Variants in SMG6 observed in about 807,000 individuals in gnomAD.
SMG6 encodes the protein SMG6 nonsense mediated mRNA decay factor.
Under a neutral mutation model 142.2 loss-of-function variants are expected in SMG6, and 66 were observed. The observed-to-expected ratio is 0.46, with a 90% confidence interval of 0.38 to 0.57. The LOEUF is 0.57. Ranked by LOEUF, SMG6 falls within the 20% of genes least tolerant of loss-of-function variation. The probability of loss-of-function intolerance (pLI) is 0.00; values close to 1 mark genes in which losing one functional copy is unlikely to be tolerated. For missense variants in SMG6, 1,793 were observed against 1,832.0 expected, an observed-to-expected ratio of 0.98 and a Z score of 0.39; for synonymous variants, 779 against 702.4, an observed-to-expected ratio of 1.11 and a Z score of -1.72.
At chr17:2,147,169 G>A (rs1207692469) in intron 13 of SMG6, among the ~76,000 whole-genome samples, 1 of 152,168 alleles carries the variant, frequency 6.6e-6, no homozygotes, top group Non-Finnish European at 1.5e-5. Context: ...GAGGTGGGTG[G>A]ATCATTTGAG....
chr17:2,220,342 C>G (rs1238086550), intron 10 of SMG6, among the ~76,000 whole-genome samples: 1 of 152,100 alleles, frequency 6.6e-6, no homozygotes, highest in Non-Finnish European at 1.5e-5. Context: ...TTAACATATT[C>G]ATGTGAAGCC....
chr17:2,291,208 G>A (rs1229364165), intron 6 of SMG6, among the ~76,000 whole-genome samples: 2 of 152,130 alleles, frequency 1.3e-5, no homozygotes, highest in African/African-American at 2.4e-5. Context: ...GCGGGCGCCT[G>A]TAGTCCCAGC....
chr17:2,072,182 G>A (rs1328911097), intron 15 of SMG6, among the ~76,000 whole-genome samples: 1 of 152,142 alleles, frequency 6.6e-6, no homozygotes, highest in African/African-American at 2.4e-5. Context: ...CCTCTGGTGG[G>A]GGTGAGGGGG....
chr17:2,081,271 C>T (rs1217454696), intron 15 of SMG6, among the ~76,000 whole-genome samples: 2 of 152,154 alleles, frequency 1.3e-5, no homozygotes, highest in Admixed American at 6.6e-5. Flanking sequence ...GGGGTGAAGG[C>T]ACAGGCCCGT....
intron 6 of SMG6, among the ~76,000 whole-genome samples, 165 bp downstream of exon 6, chr17:2,292,387 T>C (rs2075057299): frequency 6.6e-6 from 1 of 152,218 alleles, no homozygotes; most frequent in Admixed American, 6.5e-5. Context: ...GAGGAATCCC[T>C]GACAACTTAA....
intron 6 of SMG6, among the ~76,000 whole-genome samples, chr17:2,288,451 C>A (rs1459728281): frequency 2.6e-5 from 4 of 151,268 alleles, no homozygotes; most frequent in African/African-American, 9.7e-5. Context: ...GAAACCAAAT[C>A]TCTACTAAAA....
chr17:2,076,640 C>T (rs555727239), intron 15 of SMG6, among the ~76,000 whole-genome samples: 1 of 152,094 alleles, frequency 6.6e-6, no homozygotes, highest in South Asian at 2.1e-4. Flanking sequence ...GTCTGGCTTA[C>T]GTTCAAGGCT....
At chr17:2,167,131 CAA>C (rs57898779) in intron 13 of SMG6, among the ~76,000 whole-genome samples, 106 of 35,692 alleles carry the variant, frequency 3.0e-3, no homozygotes, top group Admixed American at 4.1e-3. Flanking sequence ...GACTCCATCT[CAA>C]AAAAAAAAAA....
At chr17:2,137,657 G>GA (rs1675284222) in intron 13 of SMG6, among the ~76,000 whole-genome samples, 1 of 152,072 alleles carries the variant, frequency 6.6e-6, no homozygotes, top group Admixed American at 6.6e-5. Context: ...AAGACACCTG[G>GA]AGAATGACCC....
In SMG6 at chr17:2,236,698, GTC is replaced by G. The variant is rs199975798; in HGVS notation, c.2724-63_2724-62del. ...TCTCTTTCAGTCTCTCTCTCACTCT[GTC>G]TCACACACACACACACACACACACA... On this transcript the variant is annotated intron_variant, in intron 9 of 18. Coordinates refer to ENST00000263073, the MANE Select transcript of SMG6 (RefSeq NM_017575.5). The G allele has an allele frequency of 7.5e-4, 945 of 1,255,866 alleles. 7 individuals are homozygous for G. The African/African-American group carries it at 9.1e-3, about 12-fold the overall frequency. 77.8% of individuals were successfully genotyped at this position (1,255,866 alleles called of 1,614,324 possible). A position where few individuals can be genotyped will look rare whatever the true frequency, so the allele number is the denominator to read the frequency against.
intron 15 of SMG6, among the ~76,000 whole-genome samples, chr17:2,074,692 C>T (rs1248816618): frequency 6.6e-6 from 1 of 152,222 alleles, no homozygotes; most frequent in Non-Finnish European, 1.5e-5. Context: ...CATTGTCATA[C>T]CTCCCATACC....
chr17:2,187,659 G>A (rs2072032285), intron 11 of SMG6, among the ~76,000 whole-genome samples: 1 of 152,038 alleles, frequency 6.6e-6, no homozygotes, highest in South Asian at 2.1e-4. Flanking sequence ...CGGGTGAAGG[G>A]TATGTAAGAG....
intron 13 of SMG6, among the ~76,000 whole-genome samples, chr17:2,129,004 G>A (rs1233528045): frequency 3.9e-5 from 6 of 152,098 alleles, no homozygotes; most frequent in African/African-American, 1.4e-4. Context: ...TTGAAGTTTG[G>A]GAGAGTACAC....
intron 14 of SMG6, among the ~76,000 whole-genome samples, chr17:2,084,360 T>C (rs1484285054): frequency 2.6e-5 from 4 of 152,238 alleles, no homozygotes; most frequent in Non-Finnish European, 4.4e-5. Context: ...CAGCTCATTC[T>C]TTCCCATTAT....
At chr17:2,165,127 C>T (rs1384544090) in intron 13 of SMG6, among the ~76,000 whole-genome samples, 3 of 152,268 alleles carry the variant, frequency 2.0e-5, no homozygotes, top group East Asian at 1.9e-4. Context: ...CTCACTGCTA[C>T]GAATCAGTAC....
At chr17:2,195,095 G>A (rs542111857) in intron 10 of SMG6, among the ~76,000 whole-genome samples, 8 of 152,248 alleles carry the variant, frequency 5.3e-5, no homozygotes, top group East Asian at 1.9e-4. Context: ...TTAGATATTC[G>A]GCACTTCATT....
chr17:2,179,456 C>G (rs2071742357), intron 12 of SMG6, among the ~76,000 whole-genome samples: 1 of 152,154 alleles, frequency 6.6e-6, no homozygotes, highest in African/African-American at 2.4e-5. Flanking sequence ...CTGCATACGC[C>G]CTACGTATCC....
chr17:2,283,073 G>A (rs2151380133), intron 7 of SMG6, among the ~76,000 whole-genome samples: 1 of 152,300 alleles, frequency 6.6e-6, no homozygotes, highest in East Asian at 1.9e-4. Context: ...GGGAGGCTGA[G>A]GCATGAGAAT....
chr17:2,242,715 A>T (rs1316745437), intron 9 of SMG6, among the ~76,000 whole-genome samples: 10 of 141,258 alleles, frequency 7.1e-5, no homozygotes, highest in African/African-American at 2.3e-4. Flanking sequence ...AAAAAAAAAA[A>T]AAGAATAAGA....
Sources: gnomAD v4.1 joint callset for allele counts (sites outside exome capture counted in the v4.1 genomes callset) on GRCh38, gnomAD v4.1.1 for gene constraint, MANE v1.5 for transcripts, NCBI Gene and HGNC (gene_info 2026-07-23, HGNC 2026-07-21) for gene names.